CAST: variants seen among roughly 807,000 people sequenced by gnomAD.
CAST encodes the protein MIR583 host.
CAST carries 76 observed loss-of-function variants against 119.6 expected under a neutral mutation model. The ratio of observed to expected loss-of-function variants is 0.64; its 90% confidence interval spans 0.53 to 0.77. The LOEUF (loss-of-function observed/expected upper bound fraction) is 0.77. CAST is among the 30% of genes least tolerant of loss of function. The pLI is 0.00. For synonymous variants in CAST, 319 were observed against 331.6 expected, an observed-to-expected ratio of 0.96 and a Z score of 0.41; for missense variants, 953 against 946.5, an observed-to-expected ratio of 1.01 and a Z score of -0.09.
chr5:96,355,145 G>A, the CAST span, among the ~76,000 whole-genome samples: 4 of 151,756 alleles, frequency 2.6e-5, no homozygotes, highest in Non-Finnish European at 5.9e-5. Context: ...AGCCCCGCAT[G>A]CATTAGGTAT....
chr5:96,238,359 T>TTCA, the CAST span, among the ~76,000 whole-genome samples: 2 of 127,564 alleles, frequency 1.6e-5, no homozygotes, highest in Non-Finnish European at 3.2e-5. Context: ...CTTCATCTTC[T>TTCA]TCTTCTCCTT....
the CAST span, among the ~76,000 whole-genome samples, chr5:96,223,515 AC>A: frequency 6.6e-6 from 1 of 152,206 alleles, no homozygotes; most frequent in Non-Finnish European, 1.5e-5. Flanking sequence ...ATTGCCAGCA[AC>A]CATCAGAAGC....
the CAST span, among the ~76,000 whole-genome samples, chr5:96,034,232 C>A: frequency 4.6e-5 from 7 of 151,886 alleles, no homozygotes; most frequent in Non-Finnish European, 8.8e-5. Context: ...CAGGGAAATG[C>A]AAATTAAAAT....
At chr5:96,682,211 A>G (rs570663765) in intron 2 of CAST, among the ~76,000 whole-genome samples, 1 of 152,356 alleles carries the variant, frequency 6.6e-6, no homozygotes, top group Admixed American at 6.5e-5. Context: ...TAATTCTGAC[A>G]TTAGACATTC....
intron 1 of CAST, among the ~76,000 whole-genome samples, chr5:96,565,795 C>T (rs1390963804): frequency 6.6e-6 from 1 of 152,202 alleles, no homozygotes; most frequent in African/African-American, 2.4e-5. Flanking sequence ...GGAATACCTG[C>T]TCTCCTACAG....
At chr5:96,201,608 C>T in the CAST span, among the ~76,000 whole-genome samples, 1 of 152,084 alleles carries the variant, frequency 6.6e-6, no homozygotes, top group East Asian at 1.9e-4. Context: ...CTACATTTTT[C>T]CCTATGGGAC....
the CAST span, among the ~76,000 whole-genome samples, chr5:96,148,934 A>T: frequency 6.6e-6 from 1 of 152,256 alleles, no homozygotes; most frequent in Admixed American, 6.5e-5. Context: ...AGTGTGGGGC[A>T]TCTGAAGACA....
At position 96,662,474 on chromosome 5, in the gene CAST, GCCGCCGCCCGCCGCAC is replaced by G; in HGVS notation, c.55_70del (p.Ala19MetfsTer61). On this transcript the variant is annotated frameshift_variant, in exon 1 of 32. Coordinates refer to ENST00000675179, the MANE Select transcript of CAST (RefSeq NM_001750.7). LOFTEE classifies it high-confidence loss of function. ...CGCCTCCCCGCGGCCCCGGCGAGCAGCCGCCGCCCGCCGCACCCATGAGGTGAGTGGCGCTCCTGTC... is the reference window on the plus strand; with the variant it reads ...CGCCTCCCCGCGGCCCCGGCGAGCAGCCATGAGGTGAGTGGCGCTCCTGTC... 7.0e-7 allele frequency: 1 copy of G among 1,427,642 alleles called. No individual in the cohort carries two copies. The highest frequency in any genetic ancestry group is 3.0e-5 in the East Asian group (1 of 32,830). 88.4% of individuals were successfully genotyped at this position (1,427,642 alleles called of 1,614,324 possible).
chr5:96,002,081 A>G, the CAST span, among the ~76,000 whole-genome samples: 1 of 152,246 alleles, frequency 6.6e-6, no homozygotes, highest in Admixed American at 6.5e-5. Flanking sequence ...TTCAGCTTAC[A>G]TTTTATTCAT....
chr5:96,062,615 G>A, the CAST span, among the ~76,000 whole-genome samples: 10 of 152,204 alleles, frequency 6.6e-5, no homozygotes, highest in African/African-American at 1.9e-4. Context: ...ATCACTTCAG[G>A]TTCCTCAGGC....
chr5:96,143,228 C>T, the CAST span, among the ~76,000 whole-genome samples: 7 of 152,288 alleles, frequency 4.6e-5, no homozygotes, highest in African/African-American at 1.7e-4. Flanking sequence ...TCCCACATGA[C>T]TCTATTACAG....
chr5:96,455,689 C>T, the CAST span, among the ~76,000 whole-genome samples: 1 of 152,222 alleles, frequency 6.6e-6, no homozygotes, highest in Non-Finnish European at 1.5e-5. Context: ...GCTCCCAACC[C>T]TCTCCTTCCT....
At chr5:96,238,745 A>G in the CAST span, among the ~76,000 whole-genome samples, 1 of 152,048 alleles carries the variant, frequency 6.6e-6, no homozygotes. Context: ...CAGCCTGGCT[A>G]TACTATAATT....
At chr5:96,640,342 G>A (rs1264872038) in intron 1 of CAST, among the ~76,000 whole-genome samples, 1 of 152,196 alleles carries the variant, frequency 6.6e-6, no homozygotes, top group Non-Finnish European at 1.5e-5. Context: ...AGAAGAAAGA[G>A]AGAATAAATA....
intron 3 of CAST, among the ~76,000 whole-genome samples, chr5:96,699,971 AG>A (rs1321939945): frequency 6.6e-6 from 1 of 152,234 alleles, no homozygotes; most frequent in Non-Finnish European, 1.5e-5. Context: ...TGAAGGAATA[AG>A]CACCTATCAG....
the CAST span, among the ~76,000 whole-genome samples, chr5:96,489,055 A>G: frequency 6.6e-6 from 1 of 152,238 alleles, no homozygotes; most frequent in African/African-American, 2.4e-5. Context: ...TGACTTCAGA[A>G]GAACTTGTTA....
intron 1 of CAST, among the ~76,000 whole-genome samples, chr5:96,555,490 G>A (rs907032998): frequency 6.6e-6 from 1 of 152,164 alleles, no homozygotes; most frequent in Non-Finnish European, 1.5e-5. Flanking sequence ...AGAAAGAGGC[G>A]ACAGACGGCA....
the CAST span, among the ~76,000 whole-genome samples, chr5:96,303,461 T>C: frequency 6.6e-6 from 1 of 152,298 alleles, no homozygotes; most frequent in South Asian, 2.1e-4. Context: ...TTGAATGCCA[T>C]TTATTTATTT....
At chr5:96,351,911 C>T in the CAST span, among the ~76,000 whole-genome samples, 1 of 152,152 alleles carries the variant, frequency 6.6e-6, no homozygotes, top group South Asian at 2.1e-4. Context: ...AAAAGGATCA[C>T]AGAAAAGTTA....
Sources: gnomAD v4.1 joint callset for allele counts (sites outside exome capture counted in the v4.1 genomes callset) on GRCh38, gnomAD v4.1.1 for gene constraint, MANE v1.5 for transcripts, NCBI Gene and HGNC (gene_info 2026-07-23, HGNC 2026-07-21) for gene names.